Variants in SLCO2B1 observed in about 807,000 individuals in gnomAD.
SLCO2B1 encodes the protein solute carrier organic anion transporter family member 2B1.
Under a neutral mutation model 67.3 loss-of-function variants are expected in SLCO2B1, and 41 were observed. The observed-to-expected ratio is 0.61, with a 90% CI of 0.47 to 0.79. The LOEUF (loss-of-function observed/expected upper bound fraction) is 0.79, where lower values mean the gene tolerates loss of function less well. Ranked by LOEUF, SLCO2B1 falls within the 30% of genes least tolerant of loss-of-function variation. The pLI, the probability that SLCO2B1 is intolerant of heterozygous loss-of-function variation, is 0.00. For synonymous variants in SLCO2B1, 379 were observed against 381.4 expected, an observed-to-expected ratio of 0.99 and a Z score of 0.07; for missense variants, 837 against 920.1, an observed-to-expected ratio of 0.91 and a Z score of 1.17.
At chr11:75,152,406 A>C (rs1299513948) in intron 1 of SLCO2B1, 1 of 152,386 alleles carries the variant, frequency 6.6e-6, no homozygotes, top group Non-Finnish European at 1.5e-5. Flanking sequence ...GCTGAGGAGC[A>C]GCTGCAGGGA....
In SLCO2B1 at chr11:75,203,434, C is replaced by A. The variant is rs77594259; in HGVS notation, c.1949+7C>A. ...ATGACCTGCTCCGAAACCGGTGAGA[C>A]CTGGTTTGATGGCTTGTGGGAAGGG... On this transcript the variant is annotated splice_region_variant and intron_variant, in intron 13 of 13. Transcript: ENST00000289575. The A allele has an allele frequency of 5.6e-6, 9 of 1,613,874 alleles. No individual in the cohort carries two copies. The highest frequency in any genetic ancestry group is 4.0e-5 in the African/African-American group (3 of 74,912).
At chr11:75,174,440 A>G (rs913600005) in intron 7 of SLCO2B1, among the ~76,000 whole-genome samples, 1 of 152,202 alleles carries the variant, frequency 6.6e-6, no homozygotes, top group African/African-American at 2.4e-5. Context: ...GAAGCCGTGC[A>G]TTGGCAGTGA....
intron 1 of SLCO2B1, among the ~76,000 whole-genome samples, chr11:75,156,360 G>A (rs1949745855): frequency 6.6e-6 from 1 of 152,154 alleles, no homozygotes; most frequent in Non-Finnish European, 1.5e-5. Context: ...ATTGGCCTGG[G>A]AGTGGGGTTT....
In SLCO2B1 at chr11:75,206,497, T is replaced by C. The variant is rs1426832777; in HGVS notation, c.*1917T>C. The stretch of plus-strand genomic sequence containing the variant: ...ATTTCTGAATCCTCACCTGTCCAAA[T>C]TGTCATTCACATTTTATAGAAGAGG... On this transcript the variant is annotated 3_prime_UTR_variant, in exon 14 of 14. Transcript: ENST00000289575. 2 of 152,210 alleles carry C rather than the reference T, an allele frequency of 1.3e-5. No homozygotes were observed. Among genetic ancestry groups the C allele is most frequent in the African/African-American group, 4.8e-5 (2 of 41,466 alleles). The allele number at this position is 152,210 out of a possible 1,614,324, so 9.4% of individuals were successfully genotyped here. A position where few individuals can be genotyped will look rare whatever the true frequency, so the allele number is the denominator to read the frequency against.
rs75715814 is a variant in SLCO2B1, at chr11:75,169,276, G to A, written c.552G>A (p.Gln184=). 96 of 1,614,180 alleles carry A rather than the reference G, an allele frequency of 5.9e-5. 1 individual carries two copies. In the African/African-American group the frequency reaches 1.0e-3, roughly 17 times the overall value. ...ACTGCTCAAGCTACACAGAAACCCA[G>A]CATCTGAGTGTGGTGGGGATCATGT... The part of the protein sequence containing the change: ...NGNCSSYTET[Q]HLSVVGIMFV... Residue 184 remains glutamine (Q), a synonymous_variant, in exon 5 of 14, where the codon CAG becomes CAA. Transcript: ENST00000289575.
chr11:75,200,587 A>ATAC, intron 11 of SLCO2B1, 200 bp downstream of exon 11: 1 of 514,956 alleles, frequency 1.9e-6, no homozygotes, highest in South Asian at 3.4e-5. Flanking sequence ...AAGAAAATTG[A>ATAC]GGCTCAGAGA....
intron 5 of SLCO2B1, 30 bp from the exon 6 acceptor site, chr11:75,169,636 G>C: frequency 6.3e-7 from 1 of 1,575,984 alleles, no homozygotes; most frequent in Non-Finnish European, 8.7e-7. Context: ...GCCAGGGCCA[G>C]AGGATCCTAA....
chr11:75,163,336 T>C (rs2140307150), intron 2 of SLCO2B1, among the ~76,000 whole-genome samples: 1 of 152,242 alleles, frequency 6.6e-6, no homozygotes, highest in East Asian at 1.9e-4. Context: ...CCTTTGAAGT[T>C]TTTCTTCTCT....
Position 75,162,674 on chromosome 11 carries a change from C to T in SLCO2B1, c.36C>T (p.Pro12=). 6.2e-7 allele frequency: 1 copy of T among 1,613,600 alleles called. No individual in the cohort carries two copies. Among genetic ancestry groups the T allele is most frequent in the Non-Finnish European group, 8.5e-7 (1 of 1,179,792 alleles). ...GPRIGPAGEV[P]QVPDKETKAT... ...CCTCAGGGCCAGCGGGTGAGGTACC[C>T]CAGGTACCAGACAAGGAAACCAAAG... The change falls in exon 2 of 14, where the codon CCC becomes CCT. Residue 12 remains proline (P), a synonymous_variant. Coordinates refer to ENST00000289575, the MANE Select transcript of SLCO2B1 (RefSeq NM_007256.5).
At position 75,196,479 on chromosome 11, in the gene SLCO2B1, G is replaced by A. The variant is rs1341004594; in HGVS notation, c.1434-35G>A. On this transcript the variant is annotated intron_variant, in intron 9 of 13. Coordinates refer to ENST00000289575, the MANE Select transcript of SLCO2B1 (RefSeq NM_007256.5). Reference sequence around the variant, plus strand: ...CCAGCTAGTGGCCTAAGGGAGGGAAGCCAGGCCAACCCTACTGGTCTTCTC... The same window carrying A: ...CCAGCTAGTGGCCTAAGGGAGGGAAACCAGGCCAACCCTACTGGTCTTCTC... 3 of 1,599,384 alleles carry A rather than the reference G, an allele frequency of 1.9e-6. No individual in the cohort carries two copies. The South Asian group carries it at 3.4e-5, about 18-fold the overall frequency.
At chr11:75,166,892 T>C (rs1949899657) in intron 4 of SLCO2B1, among the ~76,000 whole-genome samples, 1 of 152,044 alleles carries the variant, frequency 6.6e-6, no homozygotes, top group South Asian at 2.1e-4. Context: ...AGAGCAGGTT[T>C]CCTCCCTCCT....
Position 75,151,397 on chromosome 11 carries a change from G to A in SLCO2B1, c.16G>A (p.Gly6Arg). The A allele has an allele frequency of 6.2e-7, 1 of 1,613,750 alleles. No individual in the cohort carries two copies. The change falls in exon 1 of 14, where the codon GGG (glycine) becomes AGG (arginine). Residue 6 changes from glycine (G) to arginine (R), a missense_variant and splice_region_variant. By Grantham distance (125) the Gly-to-Arg change is moderately radical. Coordinates refer to ENST00000289575, the MANE Select transcript of SLCO2B1 (RefSeq NM_007256.5). Reference protein sequence around the residue: MGPRIGPAGEVPQVPD... With the variant: MGPRIRPAGEVPQVPD... ...TCCAGCAGTCATGGGACCCAGGATA[G>A]GTAAGTCCGAACAAATTAAGGAAGG...
chr11:75,154,932 A>C (rs190768834), intron 1 of SLCO2B1, among the ~76,000 whole-genome samples: 261 of 152,350 alleles, frequency 1.7e-3, no homozygotes, highest in African/African-American at 5.9e-3. Flanking sequence ...GCCTTGAGCC[A>C]TAGCTGCCTA....
intron 7 of SLCO2B1, among the ~76,000 whole-genome samples, chr11:75,182,082 GT>G (rs1950098287): frequency 6.6e-6 from 1 of 152,160 alleles, no homozygotes; most frequent in South Asian, 2.1e-4. Context: ...CTGTAATCAA[GT>G]TGGTGTCCCC....
rs373852428 is a variant in SLCO2B1 at position 75,162,662 on chromosome 11, G to C, written c.24G>C (p.Ala8=). 1.9e-6 allele frequency: 3 copies of C among 1,613,270 alleles called. No homozygotes were observed. Among genetic ancestry groups the C allele is most frequent in the Non-Finnish European group, 2.5e-6 (3 of 1,179,714 alleles). Residue 8 remains alanine (A), a synonymous_variant, in exon 2 of 14, where the codon GCG becomes GCC. Transcript: ENST00000289575. MGPRIGP[A]GEVPQVPDKE... is the part of the protein sequence containing the mutation. ...TGGTTTTCTGTCCCTCAGGGCCAGCGGGTGAGGTACCCCAGGTACCAGACA... is the reference window on the plus strand; with the variant it reads ...TGGTTTTCTGTCCCTCAGGGCCAGCCGGTGAGGTACCCCAGGTACCAGACA...
chr11:75,159,930 G>A (rs947632060), intron 1 of SLCO2B1: 64 of 908,808 alleles, frequency 7.0e-5, no homozygotes, highest in Admixed American at 1.9e-4. Flanking sequence ...GAGTGGGCAG[G>A]TGAGAGGCCA....
intron 1 of SLCO2B1, among the ~76,000 whole-genome samples, chr11:75,154,541 A>G (rs900985664): frequency 6.6e-6 from 1 of 152,132 alleles, no homozygotes; most frequent in Non-Finnish European, 1.5e-5. Context: ...AATAAAAGCT[A>G]GGAGGAGTTC....
chr11:75,162,655 G>A lies in SLCO2B1; in HGVS notation c.17G>A (p.Gly6Glu), dbSNP rs151095859. The A allele has an allele frequency of 6.2e-6, 10 of 1,612,950 alleles. 1 individual carries two copies. In the South Asian group the frequency reaches 9.9e-5, roughly 16 times the overall value. The change falls in exon 2 of 14, where the codon GGG (glycine) becomes GAG (glutamate). Residue 6 changes from glycine to glutamate, a missense_variant and splice_region_variant. By Grantham distance (98) the Gly-to-Glu change is moderately conservative. Coordinates refer to ENST00000289575, the MANE Select transcript of SLCO2B1 (RefSeq NM_007256.5). ...CTTTCCCTGGTTTTCTGTCCCTCAG[G>A]GCCAGCGGGTGAGGTACCCCAGGTA... Reference protein sequence around the residue: MGPRIGPAGEVPQVPD... With the variant: MGPRIEPAGEVPQVPD...
chr11:75,205,274 C>G lies in SLCO2B1; in HGVS notation c.*694C>G, dbSNP rs867262772. 1 of 152,310 alleles carries G rather than the reference C, an allele frequency of 6.6e-6. No homozygotes were observed. The highest frequency in any genetic ancestry group is 2.4e-5 in the African/African-American group (1 of 41,468). 9.4% of individuals were successfully genotyped at this position (152,310 alleles called of 1,614,324 possible). A position where few individuals can be genotyped will look rare whatever the true frequency, so the allele number is the denominator to read the frequency against. On this transcript the variant is annotated 3_prime_UTR_variant, in exon 14 of 14. Transcript: ENST00000289575. ...CTTAGCTGAAGCGGGGAGACTCACT[C>G]TCCATCTCAGGAAATTCTAGCCCTT...
Sources: gnomAD v4.1 joint callset for allele counts (sites outside exome capture counted in the v4.1 genomes callset) on GRCh38, gnomAD v4.1.1 for gene constraint, MANE v1.5 for transcripts, NCBI Gene and HGNC (gene_info 2026-07-23, HGNC 2026-07-21) for gene names.